APBA2: variants seen among roughly 807,000 people sequenced by gnomAD.
The protein encoded by APBA2 is amyloid beta precursor protein binding family A member 2.
A neutral mutation model predicts 75.0 loss-of-function variants in APBA2; 30 were observed. The ratio of observed to expected loss-of-function variants is 0.40; its 90% confidence interval spans 0.30 to 0.54. The LOEUF (loss-of-function observed/expected upper bound fraction) is 0.54. APBA2 is among the 20% of genes least tolerant of loss of function. The pLI, the probability that APBA2 is intolerant of heterozygous loss-of-function variation, is 0.49. For missense variants in APBA2, 801 were observed against 1,016.1 expected, an observed-to-expected ratio of 0.79 and a Z score of 2.88; for synonymous variants, 444 against 409.6, an observed-to-expected ratio of 1.08 and a Z score of -1.01.
At chr15:29,092,832 T>TC (rs768851401) in intron 6 of APBA2, among the ~76,000 whole-genome samples, 2 of 152,190 alleles carry the variant, frequency 1.3e-5, no homozygotes, top group Non-Finnish European at 2.9e-5. Flanking sequence ...GGCATTGTCC[T>TC]CCTGACACTG....
intron 6 of APBA2, 79 bp downstream of exon 6, chr15:29,076,170 T>C: frequency 6.9e-7 from 1 of 1,458,790 alleles, no homozygotes; most frequent in Non-Finnish European, 9.6e-7. Flanking sequence ...GTTTGGGCAT[T>C]CACCTGCAAA....
In APBA2 at chr15:28,931,704, G is replaced by A. The variant is rs552233319; in HGVS notation, c.-95+9955G>A. 3.3e-5 allele frequency among the ~76,000 whole-genome samples: 5 copies of A among 152,278 alleles called. No individual in the cohort carries two copies. The South Asian group carries it at 1.0e-3, about 32-fold the overall frequency. The stretch of plus-strand genomic sequence containing the variant: ...CAAAGTGGTTGTTTTCCGGAGTTTG[G>A]CAGTACCTAAGGGTTAATTGGGATG... On this transcript the variant is annotated intron_variant, in intron 2 of 14. Coordinates refer to ENST00000683413, the MANE Select transcript of APBA2 (RefSeq NM_001353788.2).
intron 2 of APBA2, among the ~76,000 whole-genome samples, chr15:28,940,356 CAAAAAAAAAA>C (rs398043111): frequency 0.046 from 1,754 of 38,418 alleles, 15 homozygotes; most frequent in East Asian, 0.17. Context: ...ACTAAAAATA[CAAAAAAAAAA>C]AAAAAAAAAA....
At chr15:29,099,051 C>A (rs1023142700) in intron 9 of APBA2, among the ~76,000 whole-genome samples, 1 of 152,116 alleles carries the variant, frequency 6.6e-6, no homozygotes, top group African/African-American at 2.4e-5. Context: ...TGTCCTGCAC[C>A]CCCCTACCCT....
At chr15:29,017,776 TTC>T (rs2039749765) in intron 3 of APBA2, among the ~76,000 whole-genome samples, 1 of 152,216 alleles carries the variant, frequency 6.6e-6, no homozygotes, top group Admixed American at 6.5e-5. Flanking sequence ...TGAGGGCTCT[TTC>T]TATTCTTTCG....
intron 2 of APBA2, among the ~76,000 whole-genome samples, chr15:28,984,828 CT>C (rs1461692504): frequency 3.4e-5 from 5 of 149,002 alleles, no homozygotes; most frequent in African/African-American, 1.3e-4. Context: ...CCACTGCCAT[CT>C]CTGGAGGTTG....
At chr15:28,952,854 T>C (rs1190728721) in intron 2 of APBA2, among the ~76,000 whole-genome samples, 1 of 152,220 alleles carries the variant, frequency 6.6e-6, no homozygotes, top group South Asian at 2.1e-4. Flanking sequence ...CTCCATTGTA[T>C]AGATAGAGAA....
At chr15:29,099,872 C>G (rs1429081767) in intron 9 of APBA2, among the ~76,000 whole-genome samples, 3 of 152,234 alleles carry the variant, frequency 2.0e-5, no homozygotes, top group Admixed American at 6.5e-5. Context: ...ACAGCCCCAG[C>G]TGAAAGAGTA....
intron 6 of APBA2, among the ~76,000 whole-genome samples, chr15:29,082,685 C>G (rs2152934631): frequency 6.6e-6 from 1 of 152,216 alleles, no homozygotes; most frequent in East Asian, 1.9e-4. Flanking sequence ...GTCATTTAGT[C>G]AAATATATCA....
chr15:29,055,885 T>C (rs564267326), intron 4 of APBA2, among the ~76,000 whole-genome samples: 1 of 152,342 alleles, frequency 6.6e-6, no homozygotes, highest in Admixed American at 6.5e-5. Flanking sequence ...AATTCCGTGT[T>C]TACAGGGGGC....
At chr15:29,012,609 T>C (rs1244418288) in intron 3 of APBA2, among the ~76,000 whole-genome samples, 1 of 152,238 alleles carries the variant, frequency 6.6e-6, no homozygotes, top group Non-Finnish European at 1.5e-5. Flanking sequence ...TTTATATTTG[T>C]ATGGACTCAT....
intron 6 of APBA2, among the ~76,000 whole-genome samples, chr15:29,081,965 AG>A (rs2043102170): frequency 6.6e-6 from 1 of 152,228 alleles, no homozygotes; most frequent in Admixed American, 6.5e-5. Context: ...TGCCTTCCCA[AG>A]GGGGGACAGC....
chr15:29,101,588 C>T lies in APBA2; in HGVS notation c.1339-11C>T. On this transcript the variant is annotated splice_polypyrimidine_tract_variant and intron_variant, in intron 9 of 14. Transcript: ENST00000683413. The stretch of plus-strand genomic sequence containing the variant: ...GTGTTCCCTGACGTGGCACTGTCTC[C>T]CTCCCGACAGGAAACCATGATGGAC... 1 of 1,611,866 alleles carries T rather than the reference C, an allele frequency of 6.2e-7. No individual in the cohort carries two copies. The highest frequency in any genetic ancestry group is 8.5e-7 in the Non-Finnish European group (1 of 1,179,248).
At chr15:29,037,270 T>C (rs2040799169) in intron 3 of APBA2, among the ~76,000 whole-genome samples, 1 of 152,110 alleles carries the variant, frequency 6.6e-6, no homozygotes, top group Admixed American at 6.6e-5. Context: ...ATTGAACCCG[T>C]CTTGGTAGCT....
At chr15:28,886,777 C>T (rs2031765923) in intron 1 of APBA2, among the ~76,000 whole-genome samples, 1 of 152,220 alleles carries the variant, frequency 6.6e-6, no homozygotes, top group African/African-American at 2.4e-5. Context: ...TATAATAAGG[C>T]CCAGAGGGGA....
chr15:29,054,790 C>T lies in APBA2; in HGVS notation c.906C>T (p.Pro302=). Residue 302 remains proline (P), a synonymous_variant, in exon 4 of 15, where the codon CCC becomes CCT. Coordinates refer to ENST00000683413, the MANE Select transcript of APBA2 (RefSeq NM_001353788.2). The surrounding 1 kb of genome is among the most constrained non-coding windows in gnomAD (Gnocchi z 6.1). ...HPGDPQRGFK[P]KTRTPEERLK... is the part of the protein sequence containing the mutation. ...GAGACCCCCAGAGAGGCTTCAAGCC[C>T]AAGACCAGGACCCCAGAAGAGAGGC... is the stretch of plus-strand genomic sequence containing the variant. The T allele has an allele frequency of 6.2e-7, 1 of 1,602,526 alleles. No homozygotes were observed. The highest frequency in any genetic ancestry group is 1.1e-5 in the South Asian group (1 of 91,054).
intron 2 of APBA2, among the ~76,000 whole-genome samples, chr15:28,937,908 C>T (rs958926891): frequency 2.0e-5 from 3 of 152,194 alleles, no homozygotes; most frequent in South Asian, 2.1e-4. Flanking sequence ...CCGCCCACCT[C>T]GGCCTCCCAA....
chr15:28,902,288 C>T (rs1405483825), intron 1 of APBA2, among the ~76,000 whole-genome samples: 3 of 152,108 alleles, frequency 2.0e-5, no homozygotes, highest in African/African-American at 7.2e-5. Context: ...TGTATCCGTC[C>T]TCCCCCAAAT....
At chr15:29,047,600 A>G (rs2041397839) in intron 3 of APBA2, among the ~76,000 whole-genome samples, 2 of 152,182 alleles carry the variant, frequency 1.3e-5, no homozygotes, top group Non-Finnish European at 2.9e-5. Context: ...AGCCATCGTA[A>G]AGTGAAAGCA....
Sources: gnomAD v4.1 joint callset for allele counts (sites outside exome capture counted in the v4.1 genomes callset) on GRCh38, gnomAD v4.1.1 for gene constraint, Gnocchi (gnomAD v3.1) non-coding constraint, MANE v1.5 for transcripts, NCBI Gene and HGNC (gene_info 2026-07-23, HGNC 2026-07-21) for gene names.